ABCC1: variants seen among roughly 807,000 people sequenced by gnomAD.
The protein encoded by ABCC1 is multidrug resistance-associated protein 1.
Under a neutral mutation model 172.9 loss-of-function variants are expected in ABCC1, and 83 were observed. The ratio of observed to expected loss-of-function variants is 0.48; its 90% CI spans 0.40 to 0.58. The LOEUF is 0.58. Among genes scored for constraint, ABCC1 ranks in the 20% least tolerant of loss-of-function variants. The probability of loss-of-function intolerance (pLI) is 0.00; values close to 1 mark genes in which losing one functional copy is unlikely to be tolerated. For synonymous variants in ABCC1, 937 were observed against 825.2 expected (o/e 1.14, Z -2.32); for missense variants, 1,817 against 2,002.7 (o/e 0.91, Z 1.77).
intron 5 of ABCC1, among the ~76,000 whole-genome samples, chr16:16,017,496 G>A (rs914181521): frequency 5.3e-5 from 8 of 152,072 alleles, no homozygotes; most frequent in African/African-American, 1.9e-4. Context: ...GTGATTTGCT[G>A]CACAGATCAA....
At position 16,014,629 on chromosome 16, in the gene ABCC1, G is replaced by T; in HGVS notation, c.489+1G>T. On this transcript the variant is annotated splice_donor_variant, in intron 4 of 30. Transcript: ENST00000399410. LOFTEE classifies it high-confidence loss of function. Reference sequence around the variant, plus strand: ...CAAAATTATGACAGCCTTAAAAGAGGTAAGTGGCAGTCTCCTTCCTCATCT... The same window carrying T: ...CAAAATTATGACAGCCTTAAAAGAGTTAAGTGGCAGTCTCCTTCCTCATCT... The T allele has an allele frequency of 6.2e-7, 1 of 1,613,366 alleles. No individual in the cohort carries two copies. The highest frequency in any genetic ancestry group is 1.1e-5 in the South Asian group (1 of 91,048).
At chr16:16,129,342 C>T (rs1376183396) in intron 26 of ABCC1, among the ~76,000 whole-genome samples, 2 of 151,954 alleles carry the variant, frequency 1.3e-5, no homozygotes, top group East Asian at 1.9e-4. Flanking sequence ...GCATTGTAAG[C>T]GCTCAATAAT....
At chr16:16,059,579 C>T (rs181998601) in intron 12 of ABCC1, among the ~76,000 whole-genome samples, 24 of 152,088 alleles carry the variant, frequency 1.6e-4, no homozygotes, top group Admixed American at 5.9e-4. Context: ...CCGAGGCGGG[C>T]GGGTTGCTTG....
chr16:16,056,437 C>G (rs1388470626), intron 12 of ABCC1, 142 bp downstream of exon 12: 1 of 909,896 alleles, frequency 1.1e-6, no homozygotes. Context: ...GAGGCCAAAG[C>G]AGGTGGATCA....
intron 11 of ABCC1, among the ~76,000 whole-genome samples, chr16:16,054,622 G>A (rs2049573500): frequency 1.3e-5 from 2 of 152,104 alleles, no homozygotes; most frequent in African/African-American, 4.8e-5. Flanking sequence ...GGGTGAGGCA[G>A]GGGCTTTAGG....
At chr16:16,077,003 G>T (rs1231469476) in intron 15 of ABCC1, among the ~76,000 whole-genome samples, 1 of 152,124 alleles carries the variant, frequency 6.6e-6, no homozygotes, top group East Asian at 1.9e-4. Context: ...CAGCTGCCCA[G>T]CTCACCCTTT....
intron 3 of ABCC1, 58 bp from the exon 4 acceptor site, chr16:16,014,433 G>A (rs911564914): frequency 2.0e-5 from 32 of 1,591,258 alleles, no homozygotes; most frequent in Middle Eastern, 1.9e-4. Context: ...GGTGACAAGA[G>A]TGAAACTCTG....
chr16:15,993,007 A>G (rs547243332), intron 1 of ABCC1, among the ~76,000 whole-genome samples: 10 of 152,014 alleles, frequency 6.6e-5, no homozygotes, highest in Admixed American at 2.0e-4. Context: ...CTAGGATGTC[A>G]TCTGCCCAGA....
At chr16:16,026,427 C>T (rs1230379289) in intron 5 of ABCC1, among the ~76,000 whole-genome samples, 2 of 84,944 alleles carry the variant, frequency 2.4e-5, no homozygotes, top group African/African-American at 4.6e-5. Flanking sequence ...AGAGTGAAAC[C>T]GTCTCAAAAA....
Position 16,052,773 on chromosome 16 carries a change from T to A in ABCC1, c.1430T>A (p.Val477Glu), listed in dbSNP as rs1322074946. 1 of 1,614,002 alleles carries A rather than the reference T, an allele frequency of 6.2e-7. No homozygotes were observed. Among genetic ancestry groups the A allele is most frequent in the Non-Finnish European group, 8.5e-7 (1 of 1,180,030 alleles). ...LAGVAVMVLM[V>E]PVNAVMAMKT... The stretch of plus-strand genomic sequence containing the variant: ...GGAGTGGCGGTGATGGTCCTCATGG[T>A]GCCCGTCAATGCTGTGATGGCGATG... The change falls in exon 11 of 31, where the codon GTG becomes GAG. Residue 477 changes from valine (V) to glutamate (E), a missense_variant. This residue lies in a region of ABCC1 where 1,412 missense variants were observed against 1,600.3 expected (regional missense o/e 0.88). Coordinates refer to ENST00000399410, the MANE Select transcript of ABCC1 (RefSeq NM_004996.4).
intron 1 of ABCC1, among the ~76,000 whole-genome samples, chr16:16,007,053 C>T (rs1250002465): frequency 1.3e-5 from 2 of 152,086 alleles, no homozygotes; most frequent in Non-Finnish European, 2.9e-5. Flanking sequence ...TGACACAGGG[C>T]TCTTCGGTTA....
intron 3 of ABCC1, 136 bp downstream of exon 3, chr16:16,010,037 CT>C (rs71388789): frequency 0.021 from 2,249 of 107,822 alleles, no homozygotes; most frequent in East Asian, 0.07. Context: ...TAAATGTAGC[CT>C]TTTTTTTTTT....
At chr16:16,077,361 A>T (rs1357955840) in intron 15 of ABCC1, among the ~76,000 whole-genome samples, 3 of 152,096 alleles carry the variant, frequency 2.0e-5, no homozygotes, top group Non-Finnish European at 4.4e-5. Context: ...GTCTAACTTA[A>T]ATCCTGCCTG....
At chr16:16,127,132 A>G (rs2045475100) in intron 26 of ABCC1, among the ~76,000 whole-genome samples, 1 of 152,198 alleles carries the variant, frequency 6.6e-6, no homozygotes, top group Non-Finnish European at 1.5e-5. Context: ...ACCCTACATT[A>G]ATGATAACAG....
At chr16:16,054,227 G>A (rs1209730899) in intron 11 of ABCC1, among the ~76,000 whole-genome samples, 10 of 151,992 alleles carry the variant, frequency 6.6e-5, no homozygotes, top group Non-Finnish European at 1.5e-4. Context: ...CACCCGCCTC[G>A]GCCTCCCAAA....
intron 5 of ABCC1, among the ~76,000 whole-genome samples, chr16:16,028,811 G>C (rs973876853): frequency 6.6e-6 from 1 of 152,204 alleles, no homozygotes. Context: ...GCTTGGAGGT[G>C]AAGGGACTTG....
rs1255976155 is a variant in ABCC1 at position 16,073,046 on chromosome 16, A to AT, written c.1912+1317_1912+1318insT. 5.8e-3 allele frequency among the ~76,000 whole-genome samples: 505 copies of AT among 86,710 alleles called. 2 individuals are homozygous for AT. The highest frequency in any genetic ancestry group is 9.9e-3 in the Non-Finnish European group (371 of 37,444). The allele number at this position is 86,710 out of a possible 152,430, so 56.9% of individuals were successfully genotyped here. ...AAAGAGTGAGACTTCATCTCAAAAA[A>AT]AAAAAAAAAAATAATAATAATAAAT... On this transcript the variant is annotated intron_variant, in intron 14 of 30. Coordinates refer to ENST00000399410, the MANE Select transcript of ABCC1 (RefSeq NM_004996.4).
At position 16,026,464 on chromosome 16, in the gene ABCC1, C is replaced by CTTTTTTTTT. The variant is rs1491397616; in HGVS notation, c.616-6645_616-6644insTTTTTTTTT. Reference sequence around the variant, plus strand: ...AAAAAAAAAAAAAAAAAGGCTATTTCCTTTTTTTTTTTTTTTTTTTTTTTG... The same window carrying CTTTTTTTTT: ...AAAAAAAAAAAAAAAAAGGCTATTTCTTTTTTTTTCTTTTTTTTTTTTTTTTTTTTTTTG... On this transcript the variant is annotated intron_variant, in intron 5 of 30. Transcript: ENST00000399410. 1.8e-3 allele frequency among the ~76,000 whole-genome samples: 182 copies of CTTTTTTTTT among 102,250 alleles called. 14 individuals carry two copies. Among genetic ancestry groups the CTTTTTTTTT allele is most frequent in the Non-Finnish European group, 2.7e-3 (144 of 52,758 alleles). 67.1% of individuals were successfully genotyped at this position (102,250 alleles called of 152,430 possible). A position where few individuals can be genotyped will look rare whatever the true frequency, so the allele number is the denominator to read the frequency against.
intron 23 of ABCC1, among the ~76,000 whole-genome samples, chr16:16,116,013 C>A (rs2044847815): frequency 6.6e-6 from 1 of 151,904 alleles, no homozygotes; most frequent in Non-Finnish European, 1.5e-5. Flanking sequence ...CACCATTCTC[C>A]TGCCTCAGCC....
Sources: gnomAD v4.1 joint callset for allele counts (sites outside exome capture counted in the v4.1 genomes callset) on GRCh38, gnomAD v4.1.1 for gene constraint, gnomAD v4.1.1 regional missense constraint, MANE v1.5 for transcripts, NCBI Gene and HGNC (gene_info 2026-07-23, HGNC 2026-07-21) for gene names.